The following GRID2 variants were observed in gnomAD, a reference collection of about 807,000 sequenced individuals.
GRID2 encodes the protein glutamate ionotropic receptor delta type subunit 2, also known as glutamate receptor ionotropic, delta-2.
Under a neutral mutation model 114.8 loss-of-function variants are expected in GRID2, and 33 were observed. The ratio of observed to expected loss-of-function variants is 0.29; its 90% CI spans 0.22 to 0.38. The LOEUF (loss-of-function observed/expected upper bound fraction) is 0.38, where lower values mean the gene tolerates loss of function less well. Ranked by LOEUF, GRID2 falls within the 10% of genes least tolerant of loss-of-function variation. GRID2 has a pLI of 1.00. For missense variants in GRID2, 1,184 were observed against 1,257.7 expected, an observed-to-expected ratio of 0.94 and a Z score of 0.89; for synonymous variants, 505 against 449.9, an observed-to-expected ratio of 1.12 and a Z score of -1.55.
chr4:93,713,967 G>T (rs1013488140), intron 14 of GRID2, among the ~76,000 whole-genome samples: 1 of 151,972 alleles, frequency 6.6e-6, no homozygotes, highest in East Asian at 1.9e-4. Flanking sequence ...AGGGGTATAT[G>T]TGCAGGATGT....
At chr4:92,320,362 C>T (rs1018678025) in intron 1 of GRID2, among the ~76,000 whole-genome samples, 1 of 152,272 alleles carries the variant, frequency 6.6e-6, no homozygotes, top group East Asian at 1.9e-4. Context: ...AAAGTATATT[C>T]AGGGTACTTA....
intron 8 of GRID2, among the ~76,000 whole-genome samples, chr4:93,371,359 C>A (rs1256116233): frequency 1.3e-5 from 2 of 151,966 alleles, no homozygotes; most frequent in Non-Finnish European, 2.9e-5. Context: ...TTCTGTTATT[C>A]CTTTTTTTTT....
chr4:92,859,198 A>G (rs1578326897), intron 2 of GRID2, among the ~76,000 whole-genome samples: 1 of 152,226 alleles, frequency 6.6e-6, no homozygotes, highest in African/African-American at 2.4e-5. Flanking sequence ...GTTAGCAGCC[A>G]TCAACATCAA....
intron 2 of GRID2, among the ~76,000 whole-genome samples, chr4:92,786,792 A>G (rs1429110541): frequency 6.6e-6 from 1 of 151,934 alleles, no homozygotes; most frequent in Admixed American, 6.6e-5. Context: ...AACAGACCAC[A>G]GTTGAACAAT....
At chr4:93,192,603 C>T (rs970539832) in intron 4 of GRID2, among the ~76,000 whole-genome samples, 5 of 151,916 alleles carry the variant, frequency 3.3e-5, no homozygotes, top group African/African-American at 1.2e-4. Context: ...CAAAAAATAG[C>T]CAGCATGGTG....
At chr4:93,684,948 G>A (rs1423161276) in intron 14 of GRID2, among the ~76,000 whole-genome samples, 1 of 151,964 alleles carries the variant, frequency 6.6e-6, no homozygotes, top group Non-Finnish European at 1.5e-5. Flanking sequence ...TAGGTGAGTG[G>A]GGGTGGTAAA....
rs112984713 is a variant in GRID2, at chr4:92,610,109, A to G, written c.244+19823A>G. 4.2e-3 allele frequency among the ~76,000 whole-genome samples: 641 copies of G among 151,820 alleles called. 5 individuals carry two copies. The highest frequency in any genetic ancestry group is 0.015 in the African/African-American group (609 of 41,494). ...TTCCTTGATCCTATACAGAGGGCCA[A>G]TGGAATGTGAACAGAGGTGTGGACA... On this transcript the variant is annotated intron_variant, in intron 2 of 15. Transcript: ENST00000282020.
chr4:92,818,398 A>G (rs1278147178), intron 2 of GRID2, among the ~76,000 whole-genome samples: 3 of 152,228 alleles, frequency 2.0e-5, no homozygotes, highest in African/African-American at 4.8e-5. Flanking sequence ...GAAAAATGGC[A>G]TTTGAGATGG....
chr4:92,851,869 A>G (rs1338323248), intron 2 of GRID2, among the ~76,000 whole-genome samples: 1 of 152,018 alleles, frequency 6.6e-6, no homozygotes, highest in Non-Finnish European at 1.5e-5. Flanking sequence ...CAAAACAGGA[A>G]TGAATCAAAA....
chr4:92,580,894 T>G (rs1417782485), intron 1 of GRID2, among the ~76,000 whole-genome samples: 1 of 144,024 alleles, frequency 6.9e-6, no homozygotes, highest in Non-Finnish European at 1.5e-5. Context: ...CTATTTGTTT[T>G]TTTTTTTTTT....
chr4:93,376,811 G>T (rs1375190312), intron 8 of GRID2, among the ~76,000 whole-genome samples: 1 of 152,146 alleles, frequency 6.6e-6, no homozygotes, highest in African/African-American at 2.4e-5. Context: ...ACACACTGGG[G>T]CCTTCCCCGG....
At chr4:92,958,373 T>G (rs771888745) in intron 2 of GRID2, among the ~76,000 whole-genome samples, 2 of 152,002 alleles carry the variant, frequency 1.3e-5, no homozygotes, top group African/African-American at 2.4e-5. Flanking sequence ...ATGATGATTT[T>G]ATGATGAATT....
intron 8 of GRID2, among the ~76,000 whole-genome samples, chr4:93,292,938 T>C (rs1168438780): frequency 6.6e-6 from 1 of 152,218 alleles, no homozygotes; most frequent in African/African-American, 2.4e-5. Context: ...GCCCCGGAGA[T>C]GTCCATATGC....
chr4:93,626,835 G>C lies in GRID2; in HGVS notation c.2360+400G>C, dbSNP rs111454848. On this transcript the variant is annotated intron_variant, in intron 14 of 15. Transcript: ENST00000282020. ...AGCATAACATAAACTTCAGGACCAA[G>C]TTAAAGCTCTGATGGACTGAAGCAG... 6.3e-3 allele frequency among the ~76,000 whole-genome samples: 962 copies of C among 152,252 alleles called. 13 individuals are homozygous for C. Among genetic ancestry groups the C allele is most frequent in the African/African-American group, 0.021 (891 of 41,532 alleles).
intron 1 of GRID2, among the ~76,000 whole-genome samples, chr4:92,385,898 GTGTATATATA>G (rs1560600159): frequency 2.2e-5 from 2 of 90,986 alleles, no homozygotes; most frequent in African/African-American, 3.8e-5. Context: ...GTGTGTGTGT[GTGTATATATA>G]TATATATATA....
chr4:93,026,600 G>A (rs1165939574), intron 2 of GRID2, among the ~76,000 whole-genome samples: 1 of 151,756 alleles, frequency 6.6e-6, no homozygotes, highest in Non-Finnish European at 1.5e-5. Context: ...ATAGAATCAT[G>A]TAGAAGAGGA....
intron 1 of GRID2, among the ~76,000 whole-genome samples, chr4:92,416,157 TGAG>T (rs1731608116): frequency 6.6e-6 from 1 of 152,070 alleles, no homozygotes; most frequent in African/African-American, 2.4e-5. Context: ...TGATGATTAG[TGAG>T]GAACAATTTT....
chr4:92,577,902 G>A (rs1029098007), intron 1 of GRID2, among the ~76,000 whole-genome samples: 1 of 152,004 alleles, frequency 6.6e-6, no homozygotes, highest in Non-Finnish European at 1.5e-5. Context: ...TGGGCGGTAA[G>A]CAAAGATGCC....
In GRID2 at chr4:93,436,637, A is replaced by G. The variant is rs371321861; in HGVS notation, c.1545+13669A>G. On this transcript the variant is annotated intron_variant, in intron 10 of 15. Coordinates refer to ENST00000282020, the MANE Select transcript of GRID2 (RefSeq NM_001510.4). ...GTTACAGGAAACTATCAATAGTTACATGTACACAAAAATTTAAATCGACAG... is the reference window on the plus strand; with the variant it reads ...GTTACAGGAAACTATCAATAGTTACGTGTACACAAAAATTTAAATCGACAG... Among the ~76,000 whole-genome samples, 12 of 152,306 alleles carry G rather than the reference A, an allele frequency of 7.9e-5. No homozygotes were observed. In the East Asian group the frequency reaches 2.3e-3, roughly 30 times the overall value.
Sources: gnomAD v4.1 joint callset for allele counts (sites outside exome capture counted in the v4.1 genomes callset) on GRCh38, gnomAD v4.1.1 for gene constraint, MANE v1.5 for transcripts, NCBI Gene and HGNC (gene_info 2026-07-23, HGNC 2026-07-21) for gene names.